The following C2orf49 variants were observed in gnomAD, a reference collection of about 807,000 sequenced individuals.
C2orf49 encodes tRNA splicing ligase complex subunit 2, also known as tRNA-splicing ligase complex subunit ASW.
C2orf49 carries 11 observed loss-of-function variants against 20.6 expected under a neutral mutation model. The ratio of observed to expected loss-of-function variants is 0.53; its 90% confidence interval spans 0.34 to 0.88. The LOEUF is 0.88. Ranked by LOEUF, C2orf49 falls within the 40% of genes least tolerant of loss-of-function variation. The probability of loss-of-function intolerance (pLI) is 0.02; values close to 1 mark genes in which losing one functional copy is unlikely to be tolerated. For synonymous variants in C2orf49, 134 were observed against 108.5 expected (o/e 1.24, Z -1.46); for missense variants, 289 against 274.2 (o/e 1.05, Z -0.38).
chr2:105,340,400 A>C (rs1353828629), intron 2 of C2orf49, among the ~76,000 whole-genome samples: 1 of 152,186 alleles, frequency 6.6e-6, no homozygotes, highest in Non-Finnish European at 1.5e-5. Flanking sequence ...TGTGTATAAG[A>C]CTGGAAGCAG....
the C2orf49 span, among the ~76,000 whole-genome samples, chr2:105,370,168 T>C: frequency 4.6e-5 from 7 of 151,376 alleles, no homozygotes; most frequent in African/African-American, 1.7e-4. Flanking sequence ...AGCCCAGGAG[T>C]TGGCGACCAG....
chr2:105,373,539 A>T, the C2orf49 span: 1 of 1,614,044 alleles, frequency 6.2e-7, no homozygotes, highest in Non-Finnish European at 8.5e-7. Context: ...CTCACGCATG[A>T]GAAAGGAGTG....
chr2:105,339,454 G>C (rs373759867), intron 1 of C2orf49, 129 bp from the exon 2 acceptor site: 2 of 773,926 alleles, frequency 2.6e-6, no homozygotes, highest in African/African-American at 1.8e-5. Context: ...CTAAGTGCGC[G>C]TGTTATTGTG....
Position 105,345,301 on chromosome 2 carries a change from T to C in C2orf49, c.643-14T>C. The C allele has an allele frequency of 6.2e-7, 1 of 1,607,564 alleles. No individual in the cohort carries two copies. The highest frequency in any genetic ancestry group is 1.1e-5 in the South Asian group (1 of 89,510). ...TTCTGCAAGTATAAACTGATTTCTGTTCATGTCTTTCAGAATAACCTGAAG... is the reference window on the plus strand; with the variant it reads ...TTCTGCAAGTATAAACTGATTTCTGCTCATGTCTTTCAGAATAACCTGAAG... On this transcript the variant is annotated splice_polypyrimidine_tract_variant and intron_variant, in intron 3 of 3. Coordinates refer to ENST00000258457, the MANE Select transcript of C2orf49 (RefSeq NM_024093.3).
At chr2:105,341,886 T>G (rs2679846) in intron 2 of C2orf49, among the ~76,000 whole-genome samples, 40,505 of 151,472 alleles carry the variant, frequency 0.27, 5,722 homozygotes, top group South Asian at 0.34. Flanking sequence ...ATTAAAAGGG[T>G]TTTTTTTTGG....
chr2:105,356,824 T>A, the C2orf49 span, among the ~76,000 whole-genome samples: 1 of 152,252 alleles, frequency 6.6e-6, no homozygotes, highest in Non-Finnish European at 1.5e-5. Flanking sequence ...ATTTTGAATG[T>A]AATGTGTCTG....
chr2:105,384,252 C>T, the C2orf49 span, among the ~76,000 whole-genome samples: 1 of 152,258 alleles, frequency 6.6e-6, no homozygotes, highest in South Asian at 2.1e-4. Flanking sequence ...ATATTTTTCT[C>T]GGGCTATCTA....
the C2orf49 span, among the ~76,000 whole-genome samples, chr2:105,372,233 CT>C: frequency 0.71 from 107,101 of 151,030 alleles, 38,356 homozygotes; most frequent in African/African-American, 0.79. Context: ...ACATAACTTT[CT>C]TTTTTTTTTG....
In C2orf49 at chr2:105,346,496, T is replaced by C. The variant is rs1215091833; in HGVS notation, c.*1125T>C. 1 of 152,234 alleles carries C rather than the reference T, an allele frequency of 6.6e-6. No homozygotes were observed. The highest frequency in any genetic ancestry group is 2.4e-5 in the African/African-American group (1 of 41,458). 9.4% of individuals were successfully genotyped at this position (152,234 alleles called of 1,614,324 possible). On this transcript the variant is annotated 3_prime_UTR_variant, in exon 4 of 4. Transcript: ENST00000258457. ...GAGCTTAATCTTTTCAAAATGAAGT[T>C]GATTTAAAAAGTCTTCAGGCAGAGT...
chr2:105,340,283 T>C (rs1679631977), intron 2 of C2orf49, among the ~76,000 whole-genome samples: 1 of 152,210 alleles, frequency 6.6e-6, no homozygotes, highest in African/African-American at 2.4e-5. Flanking sequence ...GAGAAGCCAC[T>C]AGAAGGTTTT....
At chr2:105,366,920 A>G in the C2orf49 span, among the ~76,000 whole-genome samples, 1 of 151,872 alleles carries the variant, frequency 6.6e-6, no homozygotes, top group African/African-American at 2.4e-5. Context: ...TAAGTTGTGT[A>G]TTTTTAGTAG....
the C2orf49 span, chr2:105,374,014 C>T: frequency 1.5e-5 from 7 of 456,980 alleles, no homozygotes; most frequent in Admixed American, 1.4e-4. Flanking sequence ...AGGGATTTCC[C>T]TTATGTATTG....
the C2orf49 span, chr2:105,358,051 CTCT>C: frequency 3.9e-5 from 6 of 152,286 alleles, no homozygotes; most frequent in East Asian, 9.6e-4. Flanking sequence ...TCCAGGAGGG[CTCT>C]TCTTGGCTAT....
chr2:105,365,073 G>A, the C2orf49 span, among the ~76,000 whole-genome samples: 1 of 152,042 alleles, frequency 6.6e-6, no homozygotes, highest in Admixed American at 6.6e-5. Flanking sequence ...CCCTTGCTCC[G>A]GATTCCATGC....
the C2orf49 span, chr2:105,362,969 G>A: frequency 2.2e-5 from 7 of 313,592 alleles, no homozygotes; most frequent in East Asian, 4.9e-4. Flanking sequence ...GAAAAGGCCA[G>A]TTTTTATTGT....
At position 105,344,921 on chromosome 2, in the gene C2orf49, G is replaced by A. The variant is rs554656661; in HGVS notation, c.643-394G>A. Among the ~76,000 whole-genome samples, 4 of 152,252 alleles carry A rather than the reference G, an allele frequency of 2.6e-5. No homozygotes were observed. In the South Asian group the frequency reaches 8.3e-4, roughly 32 times the overall value. ...TTGTTAAATTGTAAAGTTGATGGAG[G>A]AGATAGGCTGGACAGGGAGAAAGCA... is the stretch of plus-strand genomic sequence containing the variant. On this transcript the variant is annotated intron_variant, in intron 3 of 3. Transcript: ENST00000258457.
the C2orf49 span, chr2:105,358,748 C>T: frequency 5.3e-5 from 8 of 152,172 alleles, no homozygotes; most frequent in African/African-American, 1.4e-4. Context: ...GCCCTGCAAA[C>T]CACTATCTGT....
downstream of C2orf49, among the ~76,000 whole-genome samples, chr2:105,349,957 TC>T (rs1679898818): frequency 6.6e-6 from 1 of 152,150 alleles, no homozygotes; most frequent in African/African-American, 2.4e-5. Flanking sequence ...CTTGCTTTGA[TC>T]AAGTGAATGC....
the C2orf49 span, among the ~76,000 whole-genome samples, chr2:105,371,216 C>G: frequency 6.6e-6 from 1 of 152,152 alleles, no homozygotes; most frequent in African/African-American, 2.4e-5. Flanking sequence ...AACAGGTTTA[C>G]TTGTTGCCGT....
Sources: gnomAD v4.1 joint callset for allele counts (sites outside exome capture counted in the v4.1 genomes callset) on GRCh38, gnomAD v4.1.1 for gene constraint, MANE v1.5 for transcripts, NCBI Gene and HGNC (gene_info 2026-07-23, HGNC 2026-07-21) for gene names.